MAPK4: variants seen among roughly 807,000 people sequenced by gnomAD.
MAPK4 encodes the protein mitogen-activated protein kinase 4, also known as Erk3-related.
In MAPK4, 22 loss-of-function variants were observed where a neutral mutation model predicts 47.7. The observed-to-expected ratio is 0.46, with a 90% CI of 0.33 to 0.66. The LOEUF is 0.66. Among genes scored for constraint, MAPK4 ranks in the 30% least tolerant of loss-of-function variants. The probability of loss-of-function intolerance (pLI) is 0.02; values close to 1 mark genes in which losing one functional copy is unlikely to be tolerated. For synonymous variants in MAPK4, 390 were observed against 365.7 expected, an observed-to-expected ratio of 1.07 and a Z score of -0.76; for missense variants, 736 against 831.7, an observed-to-expected ratio of 0.88 and a Z score of 1.42.
At chr18:50,561,988 A>G (rs2149354053) in intron 1 of MAPK4, among the ~76,000 whole-genome samples, 1 of 152,352 alleles carries the variant, frequency 6.6e-6, no homozygotes. Context: ...TGCTACTGTC[A>G]TACCGTGCTT....
intron 2 of MAPK4, chr18:50,704,587 G>A: frequency 2.5e-6 from 1 of 398,658 alleles, no homozygotes; most frequent in Non-Finnish European, 4.4e-6. Flanking sequence ...TGAGAAGGGA[G>A]AAGTCAGGGA....
chr18:50,640,624 T>A (rs3966890), intron 1 of MAPK4, among the ~76,000 whole-genome samples: 13 of 152,078 alleles, frequency 8.5e-5, no homozygotes, highest in Non-Finnish European at 1.3e-4. Flanking sequence ...CGCCACCACG[T>A]CTGGCTAATT....
intron 2 of MAPK4, among the ~76,000 whole-genome samples, chr18:50,695,629 G>A (rs548165442): frequency 2.2e-4 from 33 of 152,310 alleles, no homozygotes; most frequent in Non-Finnish European, 3.2e-4. Context: ...AGAAGGTGGC[G>A]GATGCCACGC....
At chr18:50,589,431 C>T (rs895162697) in intron 1 of MAPK4, among the ~76,000 whole-genome samples, 3 of 152,058 alleles carry the variant, frequency 2.0e-5, no homozygotes, top group African/African-American at 7.2e-5. Context: ...CCCGTCTCTA[C>T]TAAAAATACA....
intron 2 of MAPK4, among the ~76,000 whole-genome samples, chr18:50,694,166 T>G (rs190601514): frequency 1.3e-3 from 196 of 152,350 alleles, no homozygotes; most frequent in Non-Finnish European, 2.4e-3. Flanking sequence ...GCGGTAAATC[T>G]GCTGCTCTCT....
chr18:50,627,151 A>C (rs2042786127), intron 1 of MAPK4, among the ~76,000 whole-genome samples: 1 of 150,116 alleles, frequency 6.7e-6, no homozygotes. Context: ...ACATGGTCAG[A>C]GGAGGCTTCC....
At chr18:50,646,794 T>C (rs1324408342) in intron 1 of MAPK4, among the ~76,000 whole-genome samples, 1 of 152,194 alleles carries the variant, frequency 6.6e-6, no homozygotes, top group Non-Finnish European at 1.5e-5. Context: ...TAGCCGTCTC[T>C]CTATTCCTCC....
intron 2 of MAPK4, among the ~76,000 whole-genome samples, chr18:50,683,255 G>A (rs2196644): frequency 0.076 from 11,597 of 152,080 alleles, 666 homozygotes; most frequent in African/African-American, 0.16. Flanking sequence ...AAGTAGCTGA[G>A]ATTACAGGCA....
intron 2 of MAPK4, among the ~76,000 whole-genome samples, chr18:50,699,705 C>T (rs989810162): frequency 6.6e-5 from 10 of 152,166 alleles, no homozygotes; most frequent in Non-Finnish European, 1.0e-4. Context: ...GCCCGGGGGT[C>T]CCTAGGTCAC....
intron 5 of MAPK4, among the ~76,000 whole-genome samples, chr18:50,726,879 C>T (rs545997152): frequency 1.2e-3 from 187 of 151,428 alleles, no homozygotes; most frequent in African/African-American, 4.2e-3. Flanking sequence ...ATGCCATTAA[C>T]GGGGGCTACA....
At chr18:50,720,237 C>T (rs569996618) in intron 3 of MAPK4, among the ~76,000 whole-genome samples, 1 of 152,132 alleles carries the variant, frequency 6.6e-6, no homozygotes, top group East Asian at 1.9e-4. Context: ...GGAATTATTC[C>T]ATCAGCTTCT....
At chr18:50,726,722 A>AC (rs1911221101) in intron 5 of MAPK4, among the ~76,000 whole-genome samples, 1 of 151,522 alleles carries the variant, frequency 6.6e-6, no homozygotes, top group Admixed American at 6.6e-5. Flanking sequence ...ACAAAGCAAG[A>AC]CCCCATCTCT....
Position 50,729,732 on chromosome 18 carries a change from A to G in MAPK4, c.1642A>G (p.Lys548Glu), listed in dbSNP as rs761397895. Residue 548 changes from lysine (K) to glutamate (E), a missense_variant, in exon 6 of 6, where the codon AAG (lysine) becomes GAG (glutamate). Physicochemically the swap from Lys to Glu is moderately conservative, Grantham distance 56 (BLOSUM62 1). This residue lies in a region of MAPK4 where 377 missense variants were observed against 378.6 expected (regional missense o/e 1.00). Transcript: ENST00000400384. ...GGACGTGTTCATCTCCCGCGCCCTG[A>G]AGCTCTGCACCAAGCCCGAGGACCT... is the stretch of plus-strand genomic sequence containing the variant. ...DLDVFISRALKLCTKPEDLPD... is the reference protein window; with the variant it reads ...DLDVFISRALELCTKPEDLPD... 9 of 1,597,680 alleles carry G rather than the reference A, an allele frequency of 5.6e-6. No individual in the cohort carries two copies. The highest frequency in any genetic ancestry group is 6.8e-6 in the Non-Finnish European group (8 of 1,173,628).
intron 1 of MAPK4, among the ~76,000 whole-genome samples, chr18:50,593,888 C>G (rs2042459208): frequency 6.6e-6 from 1 of 152,166 alleles, no homozygotes; most frequent in South Asian, 2.1e-4. Flanking sequence ...AGAATTGGCT[C>G]ACACAATCAC....
At position 50,634,307 on chromosome 18, in the gene MAPK4, T is replaced by C. The variant is rs560938357; in HGVS notation, c.-870-28782T>C. On this transcript the variant is annotated intron_variant, in intron 1 of 5. Coordinates refer to ENST00000400384, the MANE Select transcript of MAPK4 (RefSeq NM_002747.4). The stretch of plus-strand genomic sequence containing the variant: ...TTTTTCAGCATGGCTGTCAGGTGTT[T>C]TTTTTTTCTTTTTTTTTTTTCCTTT... 9.9e-4 allele frequency among the ~76,000 whole-genome samples: 52 copies of C among 52,418 alleles called. No homozygotes were observed. The East Asian group carries it at 0.032, about 32-fold the overall frequency. The allele number at this position is 52,418 out of a possible 152,430, so 34.4% of individuals were successfully genotyped here.
rs1344271289 is a variant in MAPK4 at position 50,729,648 on chromosome 18, G to C, written c.1558G>C (p.Ala520Pro). 4 of 1,509,234 alleles carry C rather than the reference G, an allele frequency of 2.7e-6. No individual in the cohort carries two copies. The East Asian group carries it at 1.0e-4, about 39-fold the overall frequency. 93.5% of individuals were successfully genotyped at this position (1,509,234 alleles called of 1,614,324 possible). A position where few individuals can be genotyped will look rare whatever the true frequency, so the allele number is the denominator to read the frequency against. The change falls in exon 6 of 6, where the codon GCC becomes CCC. Residue 520 changes from alanine (A) to proline (P), a missense_variant. By Grantham distance (27) the Ala-to-Pro change is conservative. Transcript: ENST00000400384. ...CGACGACCCCGAGCGCCGCTTGTCT[G>C]CCTCGCCCCCCGGCCGCCCGGCCCC... is the stretch of plus-strand genomic sequence containing the variant. ...PADDPERRLS[A>P]SPPGRPAPVD...
At chr18:50,724,224 G>C (rs1911079884) in intron 4 of MAPK4, among the ~76,000 whole-genome samples, 1 of 152,056 alleles carries the variant, frequency 6.6e-6, no homozygotes, top group Admixed American at 6.5e-5. Context: ...GGCCCACCTG[G>C]CCAACTACTA....
intron 1 of MAPK4, among the ~76,000 whole-genome samples, chr18:50,578,612 T>C (rs1205855757): frequency 6.6e-6 from 1 of 152,214 alleles, no homozygotes; most frequent in Non-Finnish European, 1.5e-5. Flanking sequence ...AAGAACCTAT[T>C]AGCAAACTAT....
At chr18:50,572,961 T>C (rs2042262784) in intron 1 of MAPK4, among the ~76,000 whole-genome samples, 1 of 152,188 alleles carries the variant, frequency 6.6e-6, no homozygotes, top group African/African-American at 2.4e-5. Flanking sequence ...CAGTAATGGA[T>C]ACCTAGAAAA....
Sources: gnomAD v4.1 joint callset for allele counts (sites outside exome capture counted in the v4.1 genomes callset) on GRCh38, gnomAD v4.1.1 for gene constraint, gnomAD v4.1.1 regional missense constraint, MANE v1.5 for transcripts, NCBI Gene and HGNC (gene_info 2026-07-23, HGNC 2026-07-21) for gene names.